Variants in CSMD1 observed in about 807,000 individuals in gnomAD.
The protein encoded by CSMD1 is CUB and sushi domain-containing protein 1.
In CSMD1, 213 loss-of-function variants were observed where a neutral mutation model predicts 417.5. The observed-to-expected ratio is 0.51, with a 90% CI of 0.46 to 0.57. The LOEUF (loss-of-function observed/expected upper bound fraction) is 0.57. Ranked by LOEUF, CSMD1 falls within the 20% of genes least tolerant of loss-of-function variation. CSMD1 has a pLI of 0.00. For missense variants in CSMD1, 6,923 were observed against 4,529.7 expected (o/e 1.53, Z -15.17); for synonymous variants, 2,862 against 1,736.8 (o/e 1.65, Z -16.11).
intron 3 of CSMD1, among the ~76,000 whole-genome samples, chr8:4,092,357 A>G (rs1415437389): frequency 6.6e-6 from 1 of 152,136 alleles, no homozygotes; most frequent in African/African-American, 2.4e-5. Context: ...ATGACGTGAC[A>G]CTTCAGCCAC....
intron 27 of CSMD1, among the ~76,000 whole-genome samples, chr8:3,228,823 G>C (rs1798663652): frequency 6.6e-6 from 1 of 151,858 alleles, no homozygotes. Flanking sequence ...TAGGCCATTG[G>C]TTTAAAATGA....
intron 5 of CSMD1, among the ~76,000 whole-genome samples, chr8:3,799,576 C>T (rs75957350): frequency 0.03 from 4,546 of 151,870 alleles, 173 homozygotes; most frequent in African/African-American, 0.083. Context: ...TCATTTGAAA[C>T]TGAATACATC....
chr8:3,156,130 C>T (rs1451154296), intron 39 of CSMD1, among the ~76,000 whole-genome samples: 1 of 152,172 alleles, frequency 6.6e-6, no homozygotes, highest in East Asian at 1.9e-4. Flanking sequence ...AATTTTAAGG[C>T]TATTCTGTGG....
At chr8:4,117,999 A>G (rs1439120401) in intron 3 of CSMD1, among the ~76,000 whole-genome samples, 1 of 151,974 alleles carries the variant, frequency 6.6e-6, no homozygotes, top group Non-Finnish European at 1.5e-5. Flanking sequence ...GCACATGAGA[A>G]ATGACATAGG....
chr8:3,854,333 C>A (rs1276705047), intron 5 of CSMD1, among the ~76,000 whole-genome samples: 1 of 151,480 alleles, frequency 6.6e-6, no homozygotes, highest in Admixed American at 6.6e-5. Context: ...ATTTTGTAGT[C>A]TTTTTTCAGA....
Position 3,315,353 on chromosome 8 carries a change from TG to T in CSMD1, c.3632-6851del, listed in dbSNP as rs1183111660. On this transcript the variant is annotated intron_variant, in intron 23 of 69. Coordinates refer to ENST00000635120, the MANE Select transcript of CSMD1 (RefSeq NM_033225.6). The stretch of plus-strand genomic sequence containing the variant: ...CATTAATAATGAATTTCCTGAAATG[TG>T]TGATTATTTCCTGAAATGTGTGATT... 1.7e-3 allele frequency among the ~76,000 whole-genome samples: 255 copies of T among 152,196 alleles called. 1 individual carries two copies. The highest frequency in any genetic ancestry group is 5.8e-3 in the African/African-American group (242 of 41,538).
At chr8:3,495,106 T>C (rs1288866320) in intron 10 of CSMD1, among the ~76,000 whole-genome samples, 1 of 152,244 alleles carries the variant, frequency 6.6e-6, no homozygotes, top group Non-Finnish European at 1.5e-5. Flanking sequence ...GAATACATTA[T>C]TTTAGCAATC....
chr8:4,750,699 G>A (rs1007836757), intron 1 of CSMD1, among the ~76,000 whole-genome samples: 1 of 151,624 alleles, frequency 6.6e-6, no homozygotes, highest in African/African-American at 2.4e-5. Context: ...ACTGTGTATT[G>A]AGTTTCCCAA....
intron 1 of CSMD1, among the ~76,000 whole-genome samples, chr8:4,889,048 G>A (rs1304133874): frequency 6.6e-6 from 1 of 152,142 alleles, no homozygotes; most frequent in Non-Finnish European, 1.5e-5. Context: ...TTTCAGGCAA[G>A]AAGGATGAAT....
intron 4 of CSMD1, among the ~76,000 whole-genome samples, chr8:4,015,950 G>T (rs969219045): frequency 6.6e-6 from 1 of 152,162 alleles, no homozygotes; most frequent in Non-Finnish European, 1.5e-5. Context: ...CTGCCCCCAA[G>T]AAGGTTGCCG....
At chr8:3,157,405 C>A (rs1367760026) in intron 39 of CSMD1, among the ~76,000 whole-genome samples, 1 of 152,108 alleles carries the variant, frequency 6.6e-6, no homozygotes. Context: ...CTAAAGAAGC[C>A]GGCTGATTGT....
chr8:3,251,150 C>T (rs905062383), intron 26 of CSMD1, among the ~76,000 whole-genome samples: 5 of 152,074 alleles, frequency 3.3e-5, no homozygotes, highest in Non-Finnish European at 7.4e-5. Context: ...TGCCTATGTC[C>T]TGAATGGTAT....
intron 3 of CSMD1, among the ~76,000 whole-genome samples, chr8:4,358,438 C>T (rs565537722): frequency 6.6e-6 from 1 of 152,200 alleles, no homozygotes; most frequent in African/African-American, 2.4e-5. Context: ...ATTTCAGTGT[C>T]CACACAGTCG....
chr8:3,791,869 G>C (rs1453180880), intron 5 of CSMD1, among the ~76,000 whole-genome samples: 4 of 151,800 alleles, frequency 2.6e-5, no homozygotes, highest in African/African-American at 9.7e-5. Flanking sequence ...CCTTTGTATA[G>C]GTTGGTGCAA....
rs535230667 is a variant in CSMD1, at chr8:4,312,376, A to AATATATATATATAT, written c.415+107563_415+107576dup. ...TAAGCTAATTACTTTTAATGGAACAAATATATATATATATATACATACATA... is the reference window on the plus strand; with the variant it reads ...TAAGCTAATTACTTTTAATGGAACAAATATATATATATATATATATATATATATATACATACATA... On this transcript the variant is annotated intron_variant, in intron 3 of 69. Coordinates refer to ENST00000635120, the MANE Select transcript of CSMD1 (RefSeq NM_033225.6). Among the ~76,000 whole-genome samples the AATATATATATATAT allele has an allele frequency of 3.6e-3, 229 of 63,116 alleles. 15 individuals carry two copies. Among genetic ancestry groups the AATATATATATATAT allele is most frequent in the African/African-American group, 0.014 (223 of 15,716 alleles). The allele number at this position is 63,116 out of a possible 152,430, so 41.4% of individuals were successfully genotyped here. A position where few individuals can be genotyped will look rare whatever the true frequency, so the allele number is the denominator to read the frequency against.
At chr8:4,102,290 G>C (rs1398643654) in intron 3 of CSMD1, among the ~76,000 whole-genome samples, 1 of 152,134 alleles carries the variant, frequency 6.6e-6, no homozygotes, top group African/African-American at 2.4e-5. Flanking sequence ...GAAGATCAGA[G>C]AAATCATGAT....
At chr8:4,475,480 G>C (rs1191431974) in intron 2 of CSMD1, among the ~76,000 whole-genome samples, 1 of 152,146 alleles carries the variant, frequency 6.6e-6, no homozygotes. Flanking sequence ...TCGATACAGA[G>C]AACCCAGAAT....
chr8:4,565,818 T>TAC (rs1164168576), intron 2 of CSMD1, among the ~76,000 whole-genome samples: 2 of 144,604 alleles, frequency 1.4e-5, no homozygotes, highest in African/African-American at 5.1e-5. Flanking sequence ...ATATATTATA[T>TAC]ACACACAGAC....
At chr8:4,148,842 G>T (rs4875087) in intron 3 of CSMD1, among the ~76,000 whole-genome samples, 1 of 152,062 alleles carries the variant, frequency 6.6e-6, no homozygotes, top group Non-Finnish European at 1.5e-5. Context: ...CCTTTGGCTT[G>T]TGTCCTGGGA....
Sources: gnomAD v4.1 joint callset for allele counts (sites outside exome capture counted in the v4.1 genomes callset) on GRCh38, gnomAD v4.1.1 for gene constraint, MANE v1.5 for transcripts, NCBI Gene and HGNC (gene_info 2026-07-23, HGNC 2026-07-21) for gene names.